The following VANGL2 variants were observed in gnomAD, a reference collection of about 807,000 sequenced individuals.
VANGL2 encodes vang-like protein 2.
VANGL2 carries 14 observed loss-of-function variants against 50.2 expected under a neutral mutation model. The ratio of observed to expected loss-of-function variants is 0.28; its 90% CI spans 0.18 to 0.44. The LOEUF is 0.44. Among genes scored for constraint, VANGL2 ranks in the 20% least tolerant of loss-of-function variants. VANGL2 has a pLI of 1.00. For missense variants in VANGL2, 533 were observed against 701.5 expected (o/e 0.76, Z 2.71); for synonymous variants, 295 against 297.2 (o/e 0.99, Z 0.08).
intron 1 of VANGL2, among the ~76,000 whole-genome samples, chr1:160,413,312 G>C (rs1407884591): frequency 6.7e-6 from 1 of 148,626 alleles, no homozygotes; most frequent in East Asian, 1.9e-4. Flanking sequence ...ACGGAGTCTC[G>C]TTCTGTCGCC....
At chr1:160,410,217 G>A (rs1192224750) in intron 1 of VANGL2, among the ~76,000 whole-genome samples, 10 of 152,042 alleles carry the variant, frequency 6.6e-5, no homozygotes, top group African/African-American at 1.9e-4. Flanking sequence ...CTTTCCCATC[G>A]TCTTCCCGTC....
chr1:160,416,163 C>T lies in VANGL2; in HGVS notation c.173C>T (p.Ser58Phe), dbSNP rs1252558820. Reference protein sequence around the residue: ...APGEPLLDNESTRGDERDDNW... With the variant: ...APGEPLLDNEFTRGDERDDNW... The stretch of plus-strand genomic sequence containing the variant: ...GGGGAGCCCCTGCTGGACAATGAGT[C>T]CACACGAGGGGATGAGCGGGTGAGC... Residue 58 changes from serine (S) to phenylalanine (F), a missense_variant, in exon 3 of 8, where the codon TCC becomes TTC. Ser to Phe is a radical substitution (Grantham distance 155, BLOSUM62 -2). Coordinates refer to ENST00000368061, the MANE Select transcript of VANGL2 (RefSeq NM_020335.3). 2 of 1,614,180 alleles carry T rather than the reference C, an allele frequency of 1.2e-6. No individual in the cohort carries two copies. Among genetic ancestry groups the T allele is most frequent in the Admixed American group, 3.3e-5 (2 of 60,022 alleles).
At chr1:160,404,515 A>T (rs148989237) in intron 1 of VANGL2, among the ~76,000 whole-genome samples, 10 of 152,238 alleles carry the variant, frequency 6.6e-5, no homozygotes, top group Middle Eastern at 3.4e-3. Flanking sequence ...GTCCCCAAAC[A>T]TTTGCACCAT....
intron 1 of VANGL2, among the ~76,000 whole-genome samples, chr1:160,413,882 G>A (rs1650969755): frequency 1.3e-5 from 2 of 152,162 alleles, no homozygotes; most frequent in African/African-American, 4.8e-5. Context: ...GCTGCCTACT[G>A]TCTCATGGCC....
chr1:160,412,538 A>G (rs751636704), intron 1 of VANGL2, among the ~76,000 whole-genome samples: 6 of 152,100 alleles, frequency 3.9e-5, no homozygotes, highest in Non-Finnish European at 5.9e-5. Context: ...TGAGCCCAAC[A>G]TATATTTTTC....
At chr1:160,420,221 G>A (rs1358862258) in intron 4 of VANGL2, among the ~76,000 whole-genome samples, 190 bp from the exon 5 acceptor site, 1 of 152,094 alleles carries the variant, frequency 6.6e-6, no homozygotes, top group Non-Finnish European at 1.5e-5. Context: ...GGAGGGACTG[G>A]CAGGCCCAGC....
At chr1:160,416,584 A>G (rs12039664) in intron 3 of VANGL2, among the ~76,000 whole-genome samples, 23,719 of 151,898 alleles carry the variant, frequency 0.16, 3,981 homozygotes, top group African/African-American at 0.43. Context: ...AGATGTGGGC[A>G]CTCTGTGCCC....
chr1:160,423,969 G>A (rs1022061417), intron 6 of VANGL2, 83 bp from the exon 7 acceptor site: 41 of 1,490,836 alleles, frequency 2.8e-5, no homozygotes, highest in Middle Eastern at 2.3e-4. Context: ...CATTCAGGCT[G>A]CTGGAGTGTT....
intron 1 of VANGL2, among the ~76,000 whole-genome samples, chr1:160,404,637 T>G (rs1411923804): frequency 6.6e-6 from 1 of 152,170 alleles, no homozygotes; most frequent in Non-Finnish European, 1.5e-5. Flanking sequence ...TTCTGGATAT[T>G]TCATACAAAT....
Position 160,408,980 on chromosome 1 carries a change from T to TC in VANGL2, c.-190-6667dup, listed in dbSNP as rs368481001. On this transcript the variant is annotated intron_variant, in intron 1 of 7. Transcript: ENST00000368061. Reference sequence around the variant, plus strand: ...AAGGCTGGATGGGGATGAAGGAACATCAAGGTTCTTAGTTGTGGTAGATGG... The same window carrying TC: ...AAGGCTGGATGGGGATGAAGGAACATCCAAGGTTCTTAGTTGTGGTAGATGG... 1.9e-3 allele frequency among the ~76,000 whole-genome samples: 284 copies of TC among 152,316 alleles called. 1 individual carries two copies. The highest frequency in any genetic ancestry group is 6.3e-3 in the African/African-American group (263 of 41,566).
At position 160,424,112 on chromosome 1, in the gene VANGL2, G is replaced by A; in HGVS notation, c.1134G>A (p.Gln378=). The A allele has an allele frequency of 6.2e-7, 1 of 1,614,164 alleles. No homozygotes were observed. Among genetic ancestry groups the A allele is most frequent in the South Asian group, 1.1e-5 (1 of 91,084 alleles). ...TTAAGCGGCTGCAGGAAGAGGAGCA[G>A]AAAAACCCCAGGGAGGTGATGGACC... is the stretch of plus-strand genomic sequence containing the variant. The part of the protein sequence containing the change: ...THIKRLQEEE[Q]KNPREVMDPR... The change falls in exon 7 of 8, where the codon CAG becomes CAA. Residue 378 remains glutamine, a synonymous_variant. Transcript: ENST00000368061.
chr1:160,418,404 A>C (rs543460391), intron 3 of VANGL2, among the ~76,000 whole-genome samples: 1 of 151,810 alleles, frequency 6.6e-6, no homozygotes, highest in African/African-American at 2.4e-5. Flanking sequence ...GAAATCATTT[A>C]GTTCAGTGAT....
chr1:160,415,717 T>C lies in VANGL2; in HGVS notation c.-121T>C. ...AAATAGAGTCCCTCAGGGTGACAGT[T>C]GACTTCCTGAAGGTGCCTCTTGGCC... On this transcript the variant is annotated 5_prime_UTR_variant, in exon 2 of 8. Transcript: ENST00000368061. 8.6e-7 allele frequency: 1 copy of C among 1,164,336 alleles called. No homozygotes were observed. Among genetic ancestry groups the C allele is most frequent in the East Asian group, 2.6e-5 (1 of 39,148 alleles). 72.1% of individuals were successfully genotyped at this position (1,164,336 alleles called of 1,614,324 possible). A position where few individuals can be genotyped will look rare whatever the true frequency, so the allele number is the denominator to read the frequency against.
chr1:160,412,088 G>T (rs890337095), intron 1 of VANGL2, among the ~76,000 whole-genome samples: 1 of 152,120 alleles, frequency 6.6e-6, no homozygotes, highest in Non-Finnish European at 1.5e-5. Context: ...CCATGAAAAG[G>T]CATCATTGTC....
At chr1:160,402,575 G>T (rs1415748691) in intron 1 of VANGL2, among the ~76,000 whole-genome samples, 3 of 152,122 alleles carry the variant, frequency 2.0e-5, no homozygotes, top group Non-Finnish European at 4.4e-5. Flanking sequence ...AGTCTGTGTG[G>T]TTTATCAGAC....
intron 3 of VANGL2, among the ~76,000 whole-genome samples, chr1:160,417,970 G>T (rs572395063): frequency 6.9e-6 from 1 of 144,548 alleles, no homozygotes; most frequent in East Asian, 2.1e-4. Context: ...GGAGTGCAAT[G>T]GCACGATCTC....
intron 1 of VANGL2, among the ~76,000 whole-genome samples, chr1:160,412,672 G>A (rs1313915017): frequency 6.6e-6 from 1 of 152,168 alleles, no homozygotes; most frequent in African/African-American, 2.4e-5. Context: ...TTTGACATGG[G>A]GATACTGACA....
In VANGL2 at chr1:160,419,788, C is replaced by T. The variant is rs1430968933; in HGVS notation, c.800+179C>T. On this transcript the variant is annotated intron_variant, in intron 4 of 7. Transcript: ENST00000368061. The surrounding 1 kb of genome is among the most constrained non-coding windows in gnomAD (Gnocchi z 5.8). ...TCACCAATGTTTGCTGCTTGATAGGCAGGTTCATGTACACGGTCTTGGGGC... is the reference window on the plus strand; with the variant it reads ...TCACCAATGTTTGCTGCTTGATAGGTAGGTTCATGTACACGGTCTTGGGGC... Among the ~76,000 whole-genome samples, 1 of 150,874 alleles carries T rather than the reference C, an allele frequency of 6.6e-6. No homozygotes were observed. Among genetic ancestry groups the T allele is most frequent in the Non-Finnish European group, 1.5e-5 (1 of 67,930 alleles).
chr1:160,411,456 TG>T (rs1487110248), intron 1 of VANGL2, among the ~76,000 whole-genome samples: 4 of 151,690 alleles, frequency 2.6e-5, no homozygotes, highest in Admixed American at 1.3e-4. Context: ...CCCTGATCCC[TG>T]AGACTGATTA....
Sources: allele counts gnomAD v4.1 joint callset (sites outside exome capture counted in the v4.1 genomes callset), GRCh38; gene constraint gnomAD v4.1.1; non-coding constraint Gnocchi (gnomAD v3.1); transcripts MANE v1.5; gene names NCBI Gene and HGNC (gene_info 2026-07-23, HGNC 2026-07-21).